SLC6A15: variants seen among roughly 807,000 people sequenced by gnomAD.
SLC6A15 encodes solute carrier family 6 member 15, also known as sodium-dependent neutral amino acid transporter B(0)AT2.
SLC6A15 carries 33 observed loss-of-function variants against 68.5 expected under a neutral mutation model. The ratio of observed to expected loss-of-function variants is 0.48; its 90% CI spans 0.37 to 0.64. SLC6A15 has a LOEUF of 0.64. Ranked by LOEUF, SLC6A15 falls within the 30% of genes least tolerant of loss-of-function variation. The probability of loss-of-function intolerance (pLI) is 0.00; values close to 1 mark genes in which losing one functional copy is unlikely to be tolerated. For missense variants in SLC6A15, 747 were observed against 874.3 expected (o/e 0.85, Z 1.84); for synonymous variants, 347 against 301.0 (o/e 1.15, Z -1.58).
In SLC6A15 at chr12:84,864,731, T is replaced by A. The variant is rs540710418; in HGVS notation, c.1656-1130A>T. 2.0e-5 allele frequency among the ~76,000 whole-genome samples: 3 copies of A among 152,308 alleles called. No homozygotes were observed. In the East Asian group the frequency reaches 5.8e-4, roughly 29 times the overall value. On this transcript the variant is annotated intron_variant, in intron 10 of 11. Transcript: ENST00000266682. ...CTACACCTGCCCTTTAGAAAAAATATGAACTTTGAAGACCAAGAGACCTCA... is the reference window on the plus strand; with the variant it reads ...CTACACCTGCCCTTTAGAAAAAATAAGAACTTTGAAGACCAAGAGACCTCA...
intron 9 of SLC6A15, among the ~76,000 whole-genome samples, chr12:84,868,203 G>T (rs897523390): frequency 6.6e-6 from 1 of 152,112 alleles, no homozygotes; most frequent in Non-Finnish European, 1.5e-5. Flanking sequence ...ACATCTTACA[G>T]AAATGAATGT....
intron 11 of SLC6A15, among the ~76,000 whole-genome samples, chr12:84,862,941 T>A (rs1364953690): frequency 1.3e-5 from 2 of 152,164 alleles, no homozygotes; most frequent in Non-Finnish European, 2.9e-5. Context: ...AGCCGTGTGC[T>A]ACCATGCCCA....
intron 5 of SLC6A15, chr12:84,881,484 C>T: frequency 1.0e-6 from 1 of 985,370 alleles, no homozygotes; most frequent in Non-Finnish European, 1.2e-6. Flanking sequence ...TACAAGATTT[C>T]AGTAAAATCC....
intron 5 of SLC6A15, chr12:84,883,301 A>G: frequency 2.0e-6 from 2 of 986,482 alleles, no homozygotes. Flanking sequence ...AATTTGCCTT[A>G]GAAGGAATGA....
At chr12:84,902,503 A>C (rs1002934784) in intron 1 of SLC6A15, among the ~76,000 whole-genome samples, 7 of 150,856 alleles carry the variant, frequency 4.6e-5, no homozygotes, top group African/African-American at 1.5e-4. Flanking sequence ...TATTTCAGAG[A>C]TATATCACAG....
At chr12:84,872,977 C>T (rs753283013) in intron 7 of SLC6A15, 110 bp downstream of exon 7, 135 of 1,346,818 alleles carry the variant, frequency 1.0e-4, no homozygotes, top group South Asian at 3.7e-4. Flanking sequence ...ATGTTTGTGT[C>T]GAACTATCAC....
At chr12:84,877,102 T>C (rs1871582526) in intron 5 of SLC6A15, among the ~76,000 whole-genome samples, 1 of 152,240 alleles carries the variant, frequency 6.6e-6, no homozygotes, top group South Asian at 2.1e-4. Flanking sequence ...GATTTTACTT[T>C]CCGCTTCAGC....
In SLC6A15 at chr12:84,875,739, A is replaced by G; in HGVS notation, c.867+758T>C. Reference sequence around the variant, plus strand: ...TGGTCCCTGTTAAAGCAGTATAAGAAATTATGATTAAGCCCACACTTATGA... The same window carrying G: ...TGGTCCCTGTTAAAGCAGTATAAGAGATTATGATTAAGCCCACACTTATGA... On this transcript the variant is annotated intron_variant, in intron 6 of 11. Transcript: ENST00000266682. Among the ~76,000 whole-genome samples the G allele has an allele frequency of 1.5e-5, 2 of 132,324 alleles. 1 individual carries two copies. The highest frequency in any genetic ancestry group is 5.4e-5 in the African/African-American group (2 of 36,890). The allele number at this position is 132,324 out of a possible 152,430, so 86.8% of individuals were successfully genotyped here.
chr12:84,906,611 C>A (rs540486531), intron 1 of SLC6A15, among the ~76,000 whole-genome samples: 13 of 152,174 alleles, frequency 8.5e-5, no homozygotes, highest in South Asian at 2.1e-4. Flanking sequence ...GAAGAGGCTA[C>A]CCAGAAAGAA....
Position 84,891,976 on chromosome 12 carries a change from T to C in SLC6A15, c.145A>G (p.Thr49Ala), listed in dbSNP as rs139354471. Residue 49 changes from threonine to alanine, a missense_variant, in exon 2 of 12, where the codon ACA becomes GCA. By Grantham distance (58) the Thr-to-Ala change is moderately conservative. Transcript: ENST00000266682. ...ACTTCAGATCCTTCTTCAACATCTG[T>C]ATCTTTCTCTTCCTGGCCATCAACA... ...LIVDGQEEKD[T>A]DVEEGSEVED... 1.3e-3 allele frequency: 2,171 copies of C among 1,614,062 alleles called. 4 individuals are homozygous for C. Among genetic ancestry groups the C allele is most frequent in the Non-Finnish European group, 1.3e-3 (1,514 of 1,179,986 alleles).
Position 84,895,339 on chromosome 12 carries a change from A to ATTTTTTTTTT in SLC6A15, c.-188-3041_-188-3032dup. ...CTTAGATGTTTTCATTTTTGTTTGT[A>ATTTTTTTTTT]TTTTTTTTTTTTTTTTTTTTTTTTT... is the stretch of plus-strand genomic sequence containing the variant. On this transcript the variant is annotated intron_variant, in intron 1 of 11. Coordinates refer to ENST00000266682, the MANE Select transcript of SLC6A15 (RefSeq NM_182767.6). Among the ~76,000 whole-genome samples the ATTTTTTTTTT allele has an allele frequency of 2.2e-3, 118 of 54,780 alleles. 20 individuals are homozygous for ATTTTTTTTTT. Among genetic ancestry groups the ATTTTTTTTTT allele is most frequent in the African/African-American group, 5.3e-3 (79 of 14,838 alleles). The allele number at this position is 54,780 out of a possible 152,430, so 35.9% of individuals were successfully genotyped here.
At chr12:84,897,009 G>A (rs1354939626) in intron 1 of SLC6A15, among the ~76,000 whole-genome samples, 2 of 151,998 alleles carry the variant, frequency 1.3e-5, no homozygotes, top group Non-Finnish European at 2.9e-5. Flanking sequence ...TGGCCAATAT[G>A]GTGAAATTCC....
chr12:84,882,214 C>T (rs975276858), intron 5 of SLC6A15: 1 of 985,226 alleles, frequency 1.0e-6, no homozygotes, highest in South Asian at 4.7e-5. Context: ...TTTCTTTCTA[C>T]CAAATGATAT....
chr12:84,912,420 T>C (rs1873517029), intron 1 of SLC6A15, 103 bp downstream of exon 1: 1 of 152,250 alleles, frequency 6.6e-6, no homozygotes, highest in South Asian at 2.1e-4. Context: ...CCGGCATCCA[T>C]CCATCAATTC....
At chr12:84,879,611 C>A (rs1315457546) in intron 5 of SLC6A15, among the ~76,000 whole-genome samples, 1 of 151,794 alleles carries the variant, frequency 6.6e-6, no homozygotes, top group Admixed American at 6.6e-5. Context: ...CAGGCGTGAG[C>A]CACCGCCTGG....
chr12:84,866,739 T>C (rs1440353095), intron 10 of SLC6A15, among the ~76,000 whole-genome samples: 1 of 152,126 alleles, frequency 6.6e-6, no homozygotes. Flanking sequence ...GAAACTAAGG[T>C]TCTTGGAACT....
intron 6 of SLC6A15, chr12:84,874,625 A>G (rs1871433411): frequency 6.6e-6 from 1 of 152,236 alleles, no homozygotes; most frequent in Non-Finnish European, 1.5e-5. Context: ...CTTATTAAAC[A>G]TAATCATGAT....
chr12:84,884,362 A>T (rs1871978082), intron 4 of SLC6A15, among the ~76,000 whole-genome samples: 2 of 151,718 alleles, frequency 1.3e-5, no homozygotes, highest in African/African-American at 4.8e-5. Context: ...CTGGAGTGCA[A>T]TGGTGCGATC....
At position 84,869,209 on chromosome 12, in the gene SLC6A15, T is replaced by C. The variant is rs190159874; in HGVS notation, c.1495+1269A>G. Among the ~76,000 whole-genome samples the C allele has an allele frequency of 4.1e-3, 631 of 152,112 alleles. 5 individuals carry two copies. The highest frequency in any genetic ancestry group is 6.8e-3 in the Middle Eastern group (2 of 294). On this transcript the variant is annotated intron_variant, in intron 9 of 11. Transcript: ENST00000266682. ...GCACGGTGGCTCACGCCTGTAATCC[T>C]AGCACTTTGGGAGGCCAAGGCGGGC...
Sources: gnomAD v4.1 joint callset for allele counts (sites outside exome capture counted in the v4.1 genomes callset) on GRCh38, gnomAD v4.1.1 for gene constraint, MANE v1.5 for transcripts, NCBI Gene and HGNC (gene_info 2026-07-23, HGNC 2026-07-21) for gene names.